Variants in RASSF3 observed in about 807,000 individuals in gnomAD.
RASSF3 encodes the protein ras association domain-containing protein 3.
Under a neutral mutation model 19.9 loss-of-function variants are expected in RASSF3, and 19 were observed. The observed-to-expected ratio is 0.96, with a 90% CI of 0.67 to 1.40. RASSF3 has a LOEUF of 1.40. Ranked by LOEUF, RASSF3 falls within the 40% of genes most tolerant of loss-of-function variation. The pLI is 0.00. For synonymous variants in RASSF3, 110 were observed against 104.2 expected, an observed-to-expected ratio of 1.06 and a Z score of -0.34; for missense variants, 306 against 289.8, an observed-to-expected ratio of 1.06 and a Z score of -0.41.
chr12:64,695,198 T>C lies in RASSF3; in HGVS notation c.*286T>C, dbSNP rs986291509. 1 of 308,546 alleles carries C rather than the reference T, an allele frequency of 3.2e-6. No individual in the cohort carries two copies. Among genetic ancestry groups the C allele is most frequent in the Non-Finnish European group, 6.0e-6 (1 of 167,990 alleles). 19.1% of individuals were successfully genotyped at this position (308,546 alleles called of 1,614,324 possible). A position where few individuals can be genotyped will look rare whatever the true frequency, so the allele number is the denominator to read the frequency against. On this transcript the variant is annotated 3_prime_UTR_variant, in exon 5 of 5. Transcript: ENST00000542104. ...CGAGGGTGCTTGGAAGCATGAACTC[T>C]GGGGGTGTTTTTTTTTTTGGTTATT...
intron 2 of RASSF3, among the ~76,000 whole-genome samples, chr12:64,563,269 C>T (rs949972709): frequency 1.3e-5 from 2 of 151,694 alleles, no homozygotes; most frequent in African/African-American, 4.8e-5. Context: ...CAGGTTCAAG[C>T]GATTATCCTG....
intron 1 of RASSF3, among the ~76,000 whole-genome samples, chr12:64,508,271 T>C (rs1868303836): frequency 6.6e-6 from 1 of 152,086 alleles, no homozygotes; most frequent in Non-Finnish European, 1.5e-5. Context: ...TCTCAGCACT[T>C]TGGGAGGCCG....
chr12:64,631,536 AATGTATGTATGTATGTATGTATGT>A (rs10532504), intron 1 of RASSF3, among the ~76,000 whole-genome samples: 12 of 146,570 alleles, frequency 8.2e-5, no homozygotes, highest in South Asian at 4.4e-4. Flanking sequence ...CATCGTATGT[AATGTATGTATGTATGTATGTATGT>A]ATGTATGTAT....
chr12:64,681,583 G>A (rs928160706), intron 1 of RASSF3, among the ~76,000 whole-genome samples: 3 of 152,158 alleles, frequency 2.0e-5, no homozygotes, highest in African/African-American at 7.2e-5. Flanking sequence ...TTTAGTATAT[G>A]CTTTGAAGAG....
intron 2 of RASSF3, among the ~76,000 whole-genome samples, chr12:64,566,862 C>CCGAGG (rs547132157): frequency 4.0e-3 from 611 of 152,298 alleles, no homozygotes; most frequent in African/African-American, 0.014. Flanking sequence ...TCCTAAAACT[C>CCGAGG]TGAGGTGGTG....
chr12:64,553,802 AC>A (rs1869205312), intron 2 of RASSF3, among the ~76,000 whole-genome samples: 1 of 151,950 alleles, frequency 6.6e-6, no homozygotes, highest in Admixed American at 6.6e-5. Context: ...CATGGCAAAA[AC>A]CTGTCTCTAC....
At chr12:64,563,693 G>A (rs1263046901) in intron 2 of RASSF3, among the ~76,000 whole-genome samples, 1 of 152,062 alleles carries the variant, frequency 6.6e-6, no homozygotes, top group Non-Finnish European at 1.5e-5. Flanking sequence ...CAGTCCTGAG[G>A]TCCATTGCGT....
chr12:64,665,914 T>C (rs1592455843), intron 1 of RASSF3, among the ~76,000 whole-genome samples: 1 of 152,310 alleles, frequency 6.6e-6, no homozygotes, highest in Admixed American at 6.5e-5. Context: ...GTAATAGTAA[T>C]GATGATGGTA....
chr12:64,571,590 C>T (rs1187077534), intron 2 of RASSF3, among the ~76,000 whole-genome samples: 1 of 152,104 alleles, frequency 6.6e-6, no homozygotes, highest in Non-Finnish European at 1.5e-5. Context: ...CTTTAAGACA[C>T]CTGTGTTTTT....
chr12:64,549,793 A>G (rs1169856924), intron 2 of RASSF3, among the ~76,000 whole-genome samples: 6 of 152,176 alleles, frequency 3.9e-5, no homozygotes, highest in African/African-American at 4.8e-5. Context: ...ATTGACTCCT[A>G]TATGTTTGTC....
intron 2 of RASSF3, among the ~76,000 whole-genome samples, chr12:64,601,802 G>T (rs1337488016): frequency 6.6e-6 from 1 of 150,516 alleles, no homozygotes; most frequent in African/African-American, 2.4e-5. Context: ...AAGAGAGCAA[G>T]ACTCTGTCTC....
chr12:64,629,061 A>G (rs531267811), intron 1 of RASSF3, among the ~76,000 whole-genome samples: 2 of 150,464 alleles, frequency 1.3e-5, no homozygotes, highest in East Asian at 3.9e-4. Flanking sequence ...CAGCCTCCTT[A>G]GTAGCTGGGA....
chr12:64,571,160 G>A (rs1040930144), intron 2 of RASSF3, among the ~76,000 whole-genome samples: 5 of 151,990 alleles, frequency 3.3e-5, no homozygotes, highest in Non-Finnish European at 5.9e-5. Flanking sequence ...ACAGAGAGCC[G>A]AGATCGCGCC....
chr12:64,697,490 AG>A lies in RASSF3; in HGVS notation c.*2581del, dbSNP rs1354365517. On this transcript the variant is annotated 3_prime_UTR_variant, in exon 5 of 5. Coordinates refer to ENST00000542104, the MANE Select transcript of RASSF3 (RefSeq NM_178169.4). ...TTGATGGGTTTAAGTTTATTTTTGT[AG>A]GGAAGATTTTTCTCCCCTAAAATAG... The A allele has an allele frequency of 6.6e-6, 1 of 152,206 alleles. No homozygotes were observed. Among genetic ancestry groups the A allele is most frequent in the Non-Finnish European group, 1.5e-5 (1 of 68,042 alleles). 9.4% of individuals were successfully genotyped at this position (152,206 alleles called of 1,614,324 possible).
intron 1 of RASSF3, among the ~76,000 whole-genome samples, chr12:64,634,654 C>T (rs1323632939): frequency 1.3e-5 from 2 of 151,226 alleles, no homozygotes; most frequent in Non-Finnish European, 2.9e-5. Flanking sequence ...TCGGCTACTC[C>T]GGAGGCTGAA....
chr12:64,649,319 A>T (rs1169155115), intron 1 of RASSF3, among the ~76,000 whole-genome samples: 1 of 151,654 alleles, frequency 6.6e-6, no homozygotes, highest in Non-Finnish European at 1.5e-5. Context: ...CAGCCTCTGG[A>T]GTAGCTGGGA....
chr12:64,510,582 G>T (rs1031688561), intron 1 of RASSF3, among the ~76,000 whole-genome samples: 1 of 152,110 alleles, frequency 6.6e-6, no homozygotes, highest in Non-Finnish European at 1.5e-5. Flanking sequence ...GCTCCCAAAT[G>T]GCTTTACTCC....
In RASSF3 at chr12:64,688,461, G is replaced by A. The variant is rs746103189; in HGVS notation, c.457+8G>A. On this transcript the variant is annotated splice_region_variant and intron_variant, in intron 3 of 4. Coordinates refer to ENST00000542104, the MANE Select transcript of RASSF3 (RefSeq NM_178169.4). The stretch of plus-strand genomic sequence containing the variant: ...GTCACAGGGAAGACCAAGGTACGCT[G>A]CCAGCTTAAAAGGAAAATGGTCTGT... 4 of 1,593,514 alleles carry A rather than the reference G, an allele frequency of 2.5e-6. No individual in the cohort carries two copies. The highest frequency in any genetic ancestry group is 8.6e-7 in the Non-Finnish European group (1 of 1,161,432).
At chr12:64,649,192 T>G (rs899527854) in intron 1 of RASSF3, among the ~76,000 whole-genome samples, 41 of 73,966 alleles carry the variant, frequency 5.5e-4, no homozygotes, top group African/African-American at 1.5e-3. Flanking sequence ...GCCATCTGGG[T>G]TTTTTTTTTT....
Sources: allele counts gnomAD v4.1 joint callset (sites outside exome capture counted in the v4.1 genomes callset), GRCh38; gene constraint gnomAD v4.1.1; transcripts MANE v1.5; gene names NCBI Gene and HGNC (gene_info 2026-07-23, HGNC 2026-07-21).